DNAH14: variants seen among roughly 807,000 people sequenced by gnomAD.
The protein encoded by DNAH14 is dynein axonemal heavy chain 14.
DNAH14 carries 478 observed loss-of-function variants against 520.9 expected under a neutral mutation model. That is an observed-to-expected ratio of 0.92 (90% CI 0.85 to 0.99). DNAH14 has a LOEUF of 0.99. DNAH14 is among the 50% of genes least tolerant of loss of function. The pLI is 0.00. For missense variants in DNAH14, 4,831 were observed against 5,234.5 expected (o/e 0.92, Z 2.38); for synonymous variants, 1,581 against 1,757.2 (o/e 0.90, Z 2.51).
chr1:225,324,492 T>G (rs992643281), intron 63 of DNAH14, 139 bp downstream of exon 63: 1 of 1,209,200 alleles, frequency 8.3e-7, no homozygotes, highest in Non-Finnish European at 1.1e-6. Context: ...CAAATGTTAT[T>G]CTAACTCACA....
intron 17 of DNAH14, among the ~76,000 whole-genome samples, chr1:225,078,183 T>C (rs1438358778): frequency 6.6e-6 from 1 of 152,216 alleles, no homozygotes; most frequent in Non-Finnish European, 1.5e-5. Context: ...TAATGGGACG[T>C]GGAATCAATT....
chr1:225,335,409 GTGTA>G (rs2094941709), intron 66 of DNAH14, among the ~76,000 whole-genome samples: 1 of 132,222 alleles, frequency 7.6e-6, no homozygotes, highest in Admixed American at 7.3e-5. Context: ...GTACATGTGT[GTGTA>G]TGCACATATG....
intron 28 of DNAH14, among the ~76,000 whole-genome samples, chr1:225,141,286 CACATA>C (rs2079436014): frequency 6.6e-6 from 1 of 151,984 alleles, no homozygotes; most frequent in Admixed American, 6.6e-5. Context: ...AGATCACATT[CACATA>C]ACATGTGAAT....
chr1:225,209,397 TG>T (rs1024227367), intron 41 of DNAH14, among the ~76,000 whole-genome samples: 1 of 152,092 alleles, frequency 6.6e-6, no homozygotes, highest in Admixed American at 6.5e-5. Flanking sequence ...TGCTGTTGTT[TG>T]TTACTTGGTT....
chr1:225,280,640 A>G (rs2093607403), intron 54 of DNAH14, among the ~76,000 whole-genome samples: 2 of 152,022 alleles, frequency 1.3e-5, no homozygotes, highest in Admixed American at 6.6e-5. Context: ...ATCACAGCTC[A>G]AGAAAGTCTA....
At position 225,144,502 on chromosome 1, in the gene DNAH14, G is replaced by A; in HGVS notation, c.4614G>A (p.Leu1538=). 6.4e-7 allele frequency: 1 copy of A among 1,551,422 alleles called. No homozygotes were observed. The highest frequency in any genetic ancestry group is 8.7e-7 in the Non-Finnish European group (1 of 1,146,954). ...AGTACTTGGGCTGTACCTCAAGATT[G>A]GTTATTACGCCTCTCACAGACCGAT... ...GYEYLGCTSR[L]VITPLTDRCW... is the part of the protein sequence containing the mutation. The change falls in exon 29 of 86, where the codon TTG becomes TTA. Residue 1538 remains leucine, a synonymous_variant. Coordinates refer to ENST00000682510, the MANE Select transcript of DNAH14 (RefSeq NM_001367479.1).
intron 54 of DNAH14, among the ~76,000 whole-genome samples, chr1:225,283,880 A>C (rs2093680663): frequency 6.6e-6 from 1 of 152,146 alleles, no homozygotes; most frequent in Admixed American, 6.5e-5. Context: ...CAACAAAAGG[A>C]AAGTTGGGAT....
At chr1:225,060,519 A>G (rs1226331248) in intron 17 of DNAH14, among the ~76,000 whole-genome samples, 5 of 152,146 alleles carry the variant, frequency 3.3e-5, no homozygotes, top group Non-Finnish European at 7.3e-5. Context: ...CAACTCGTCA[A>G]AGTCATTCTC....
intron 77 of DNAH14, among the ~76,000 whole-genome samples, chr1:225,371,796 G>A (rs983972231): frequency 3.3e-5 from 5 of 152,016 alleles, no homozygotes; most frequent in African/African-American, 7.2e-5. Flanking sequence ...AGGCAAAACC[G>A]TACTTTCACA....
At chr1:225,392,985 G>A (rs1010718077) in intron 84 of DNAH14, among the ~76,000 whole-genome samples, 3 of 152,162 alleles carry the variant, frequency 2.0e-5, no homozygotes, top group Non-Finnish European at 4.4e-5. Flanking sequence ...CCACTCCCAC[G>A]CCACTGTCCC....
At chr1:225,316,863 C>T (rs924320690) in intron 60 of DNAH14, among the ~76,000 whole-genome samples, 1 of 152,230 alleles carries the variant, frequency 6.6e-6, no homozygotes, top group African/African-American at 2.4e-5. Context: ...ACCGCATACT[C>T]TGTGATCATT....
intron 41 of DNAH14, among the ~76,000 whole-genome samples, chr1:225,220,170 A>C (rs1306432231): frequency 6.6e-6 from 1 of 152,210 alleles, no homozygotes; most frequent in Non-Finnish European, 1.5e-5. Flanking sequence ...AAATAATAAG[A>C]GCTATTTATG....
At chr1:225,310,626 G>A (rs1574679728) in intron 60 of DNAH14, among the ~76,000 whole-genome samples, 1 of 152,080 alleles carries the variant, frequency 6.6e-6, no homozygotes, top group South Asian at 2.1e-4. Context: ...AGGCCCCAGT[G>A]TGTGATGTCT....
intron 8 of DNAH14, among the ~76,000 whole-genome samples, chr1:224,980,306 G>T (rs1256603302): frequency 6.6e-6 from 1 of 152,122 alleles, no homozygotes; most frequent in East Asian, 1.9e-4. Flanking sequence ...ACCACAAGCT[G>T]ACTGAAAAGC....
Position 225,085,726 on chromosome 1 carries a change from G to T in DNAH14, c.3510G>T (p.Gln1170His), listed in dbSNP as rs1390938159. 6.4e-7 allele frequency: 1 copy of T among 1,551,476 alleles called. No homozygotes were observed. Among genetic ancestry groups the T allele is most frequent in the Non-Finnish European group, 8.7e-7 (1 of 1,146,816 alleles). The change falls in exon 21 of 86, where the codon CAG becomes CAT. Residue 1170 changes from glutamine to histidine, a missense_variant. Physicochemically the swap from Gln to His is conservative, Grantham distance 24. Transcript: ENST00000682510. The part of the protein sequence containing the change: ...IIPSIDDISA[Q>H]LEESQVILAT... ...CATCTATAGATGACATATCAGCTCA[G>T]TTAGAAGAGTCTCAAGTCATACTTG...
At chr1:225,091,972 AAAG>A (rs1370392152) in intron 21 of DNAH14, among the ~76,000 whole-genome samples, 1 of 152,152 alleles carries the variant, frequency 6.6e-6, no homozygotes, top group African/African-American at 2.4e-5. Flanking sequence ...CAAAAAAGAC[AAAG>A]AAGGGCTTTA....
chr1:225,025,068 T>C (rs1162352557), intron 11 of DNAH14, among the ~76,000 whole-genome samples: 2 of 152,142 alleles, frequency 1.3e-5, no homozygotes, highest in Non-Finnish European at 2.9e-5. Flanking sequence ...TCAGGCACAG[T>C]GGCTCACACC....
At chr1:225,339,394 A>T (rs530802948) in intron 68 of DNAH14, among the ~76,000 whole-genome samples, 77 of 152,326 alleles carry the variant, frequency 5.1e-4, no homozygotes, top group African/African-American at 1.8e-3. Flanking sequence ...ATGGTTTAAT[A>T]GGTATCACTC....
At chr1:225,349,843 A>G (rs2095340123) in intron 71 of DNAH14, among the ~76,000 whole-genome samples, 1 of 152,198 alleles carries the variant, frequency 6.6e-6, no homozygotes, top group Non-Finnish European at 1.5e-5. Flanking sequence ...CAGCGACCCA[A>G]TAATAGTAGG....
Sources: gnomAD v4.1 joint callset for allele counts (sites outside exome capture counted in the v4.1 genomes callset) on GRCh38, gnomAD v4.1.1 for gene constraint, MANE v1.5 for transcripts, NCBI Gene and HGNC (gene_info 2026-07-23, HGNC 2026-07-21) for gene names.